IQUB: variants seen among roughly 807,000 people sequenced by gnomAD.
IQUB encodes IQ motif and ubiquitin-like domain-containing protein.
Under a neutral mutation model 86.4 loss-of-function variants are expected in IQUB, and 86 were observed. That is an observed-to-expected ratio of 1.00 (90% CI 0.84 to 1.19). IQUB has a LOEUF of 1.19. Ranked by LOEUF, IQUB falls within the 50% of genes most tolerant of loss-of-function variation. The pLI is 0.00. For missense variants in IQUB, 946 were observed against 916.9 expected, an observed-to-expected ratio of 1.03 and a Z score of -0.41; for synonymous variants, 289 against 304.5, an observed-to-expected ratio of 0.95 and a Z score of 0.53.
chr7:123,461,301 C>A (rs2116966674), intron 11 of IQUB, 56 bp downstream of exon 11: 1 of 1,512,708 alleles, frequency 6.6e-7, no homozygotes, highest in South Asian at 1.2e-5. Context: ...CATAAGATTG[C>A]AAGATAGCCT....
intron 11 of IQUB, among the ~76,000 whole-genome samples, chr7:123,459,513 G>A (rs1372233864): frequency 6.6e-6 from 1 of 151,968 alleles, no homozygotes; most frequent in African/African-American, 2.4e-5. Flanking sequence ...TGAGACACTG[G>A]CTCCTCCTGG....
rs567778035 is a variant in IQUB at position 123,512,462 on chromosome 7, A to T, written c.-4-118T>A. On this transcript the variant is annotated intron_variant, in intron 1 of 12. Coordinates refer to ENST00000324698, the MANE Select transcript of IQUB (RefSeq NM_178827.5). ...ATTCAACTAAAATGTTGCTCAATTTAAAAAAATGTTTATCTTAGTAATAGC... is the reference window on the plus strand; with the variant it reads ...ATTCAACTAAAATGTTGCTCAATTTTAAAAAATGTTTATCTTAGTAATAGC... 1.5e-5 allele frequency: 8 copies of T among 545,094 alleles called. No individual in the cohort carries two copies. In the Admixed American group the frequency reaches 3.0e-4, roughly 21 times the overall value. 33.8% of individuals were successfully genotyped at this position (545,094 alleles called of 1,614,324 possible).
intron 9 of IQUB, 49 bp from the exon 10 acceptor site, chr7:123,465,058 G>T: frequency 8.0e-7 from 1 of 1,251,262 alleles, no homozygotes; most frequent in African/African-American, 1.5e-5. Context: ...AAATCACTAA[G>T]TTCACTTTCA....
chr7:123,452,793 G>A lies in IQUB; in HGVS notation c.2326C>T (p.His776Tyr). ...GEIDEIRWKY[H>Y]SDTTPKIIES... is the part of the protein sequence containing the mutation. The stretch of plus-strand genomic sequence containing the variant: ...ATAATCTTAGGTGTTGTGTCTGAGT[G>A]ATACTTCCATCTGATCTCATCAATT... Residue 776 changes from histidine (H) to tyrosine (Y), a missense_variant, in exon 13 of 13, where the codon CAC becomes TAC. Coordinates refer to ENST00000324698, the MANE Select transcript of IQUB (RefSeq NM_178827.5). 6.2e-7 allele frequency: 1 copy of A among 1,613,584 alleles called. No homozygotes were observed.
intron 10 of IQUB, among the ~76,000 whole-genome samples, chr7:123,462,210 C>T (rs1794023068): frequency 1.3e-5 from 2 of 151,674 alleles, no homozygotes; most frequent in Admixed American, 1.3e-4. Context: ...TGAATCAAGA[C>T]ATATATATGC....
intron 1 of IQUB, among the ~76,000 whole-genome samples, chr7:123,518,437 G>A (rs775517703): frequency 2.7e-4 from 41 of 152,138 alleles, no homozygotes; most frequent in Non-Finnish European, 4.0e-4. Flanking sequence ...ATGCTTTCCA[G>A]AATAAAATCC....
intron 1 of IQUB, among the ~76,000 whole-genome samples, chr7:123,522,084 G>C (rs1396419277): frequency 6.6e-6 from 1 of 152,084 alleles, no homozygotes; most frequent in Non-Finnish European, 1.5e-5. Flanking sequence ...AAAATGCAAG[G>C]CCATGACCAC....
intron 12 of IQUB, among the ~76,000 whole-genome samples, chr7:123,455,025 G>A (rs1474894652): frequency 1.3e-5 from 2 of 152,122 alleles, no homozygotes; most frequent in African/African-American, 4.8e-5. Context: ...CTTAAGAGTG[G>A]AGAGTATCTA....
intron 11 of IQUB, among the ~76,000 whole-genome samples, chr7:123,460,584 T>C (rs1793932520): frequency 6.6e-6 from 1 of 151,956 alleles, no homozygotes; most frequent in African/African-American, 2.4e-5. Flanking sequence ...TATAATATAC[T>C]TTTATTAATA....
chr7:123,501,863 T>C (rs1371591919), intron 6 of IQUB: 1 of 152,202 alleles, frequency 6.6e-6, no homozygotes, highest in Non-Finnish European at 1.5e-5. Flanking sequence ...TATATTCCTT[T>C]ATTTGGTGAA....
At chr7:123,498,899 T>C (rs1242782716) in intron 6 of IQUB, among the ~76,000 whole-genome samples, 1 of 152,062 alleles carries the variant, frequency 6.6e-6, no homozygotes, top group Non-Finnish European at 1.5e-5. Flanking sequence ...TTTATTACAA[T>C]AGGAGAAGGG....
intron 8 of IQUB, among the ~76,000 whole-genome samples, chr7:123,473,637 G>A (rs1794630353): frequency 6.6e-6 from 1 of 151,920 alleles, no homozygotes; most frequent in Non-Finnish European, 1.5e-5. Flanking sequence ...GTGCAATGGT[G>A]CAATCTCGGC....
chr7:123,502,729 G>A lies in IQUB; in HGVS notation c.891C>T (p.Leu297=). 1 of 1,602,868 alleles carries A rather than the reference G, an allele frequency of 6.2e-7. No homozygotes were observed. Among genetic ancestry groups the A allele is most frequent in the Non-Finnish European group, 8.5e-7 (1 of 1,176,328 alleles). Residue 297 remains leucine (L), a synonymous_variant, in exon 6 of 13, where the codon CTC becomes CTT. Transcript: ENST00000324698. ...DTQTVFQKKN[L]QQTTNTTSTQ... is the part of the protein sequence containing the mutation. ...TGGATGTTGTATTTGTAGTTTGTTG[G>A]AGATTTTTTTTCTGAAAAACTGTCT...
At chr7:123,464,778 A>C in intron 10 of IQUB, 55 bp downstream of exon 10, 1 of 1,224,876 alleles carries the variant, frequency 8.2e-7, no homozygotes, top group Non-Finnish European at 1.1e-6. Flanking sequence ...ACTTCAATTT[A>C]CTATACCACA....
At chr7:123,494,310 C>T (rs1487397710) in intron 7 of IQUB, among the ~76,000 whole-genome samples, 1 of 152,020 alleles carries the variant, frequency 6.6e-6, no homozygotes, top group Non-Finnish European at 1.5e-5. Flanking sequence ...GAAGAACAGA[C>T]TACCTCGAGG....
rs765216957 is a variant in IQUB at position 123,511,943 on chromosome 7, C to T, written c.397+1G>A. On this transcript the variant is annotated splice_donor_variant, in intron 2 of 12. Coordinates refer to ENST00000324698, the MANE Select transcript of IQUB (RefSeq NM_178827.5). LOFTEE classifies it high-confidence loss of function. ...AATAGCCTATCTTCCTTAGGTAGTACCTGTTGCTAGAGAATCTTCCACTGA... is the reference window on the plus strand; with the variant it reads ...AATAGCCTATCTTCCTTAGGTAGTATCTGTTGCTAGAGAATCTTCCACTGA... The T allele has an allele frequency of 2.5e-6, 4 of 1,592,166 alleles. No individual in the cohort carries two copies. The highest frequency in any genetic ancestry group is 1.3e-5 in the African/African-American group (1 of 74,406).
At chr7:123,462,338 A>C (rs901183574) in intron 10 of IQUB, among the ~76,000 whole-genome samples, 1 of 151,874 alleles carries the variant, frequency 6.6e-6, no homozygotes, top group African/African-American at 2.4e-5. Context: ...AAGGAAATGG[A>C]CATCAATGTT....
At chr7:123,457,243 T>TTTTG in intron 12 of IQUB, 138 bp downstream of exon 12, 1 of 1,421,616 alleles carries the variant, frequency 7.0e-7, no homozygotes, top group Non-Finnish European at 9.2e-7. Flanking sequence ...CCATAAATTT[T>TTTTG]TTTGTTGTTA....
At chr7:123,525,091 G>T (rs1265661242) in intron 1 of IQUB, among the ~76,000 whole-genome samples, 1 of 152,184 alleles carries the variant, frequency 6.6e-6, no homozygotes, top group Admixed American at 6.5e-5. Context: ...TGTGCTGCTG[G>T]ATTCGGTTTG....
Sources: gnomAD v4.1 joint callset for allele counts (sites outside exome capture counted in the v4.1 genomes callset) on GRCh38, gnomAD v4.1.1 for gene constraint, MANE v1.5 for transcripts, NCBI Gene and HGNC (gene_info 2026-07-23, HGNC 2026-07-21) for gene names.